CSMD1: variants seen among roughly 807,000 people sequenced by gnomAD.
The protein encoded by CSMD1 is CUB and sushi domain-containing protein 1.
A neutral mutation model predicts 417.5 loss-of-function variants in CSMD1; 213 were observed. The ratio of observed to expected loss-of-function variants is 0.51; its 90% CI spans 0.46 to 0.57. The LOEUF (loss-of-function observed/expected upper bound fraction) is 0.57. Among genes scored for constraint, CSMD1 ranks in the 20% least tolerant of loss-of-function variants. The probability of loss-of-function intolerance (pLI) is 0.00; values close to 1 mark genes in which losing one functional copy is unlikely to be tolerated. For missense variants in CSMD1, 6,923 were observed against 4,529.7 expected (o/e 1.53, Z -15.17); for synonymous variants, 2,862 against 1,736.8 (o/e 1.65, Z -16.11).
chr8:3,520,101 C>G (rs1290021914), intron 10 of CSMD1, among the ~76,000 whole-genome samples: 1 of 150,350 alleles, frequency 6.7e-6, no homozygotes, highest in African/African-American at 2.5e-5. Context: ...ATTTATGCTT[C>G]TTAAACATAC....
intron 26 of CSMD1, among the ~76,000 whole-genome samples, chr8:3,241,012 G>C (rs1181253580): frequency 6.7e-6 from 1 of 150,134 alleles, no homozygotes; most frequent in African/African-American, 2.4e-5. Context: ...GATAAGGGGT[G>C]CATGATCGGT....
chr8:4,157,294 G>T (rs1413116837), intron 3 of CSMD1, among the ~76,000 whole-genome samples: 1 of 152,200 alleles, frequency 6.6e-6, no homozygotes, highest in African/African-American at 2.4e-5. Flanking sequence ...TGCAATTGCA[G>T]AGCTGGGTCA....
intron 2 of CSMD1, among the ~76,000 whole-genome samples, chr8:4,598,939 G>C (rs1331003738): frequency 6.6e-6 from 1 of 152,072 alleles, no homozygotes; most frequent in Middle Eastern, 3.2e-3. Context: ...AATTTCAGTT[G>C]TTTCTAAATC....
chr8:3,916,601 C>G (rs1349868686), intron 5 of CSMD1, among the ~76,000 whole-genome samples: 1 of 152,100 alleles, frequency 6.6e-6, no homozygotes, highest in South Asian at 2.1e-4. Flanking sequence ...ACAATATGAA[C>G]TTTAGTAGGC....
At chr8:4,313,214 G>T (rs1563436828) in intron 3 of CSMD1, among the ~76,000 whole-genome samples, 1 of 151,970 alleles carries the variant, frequency 6.6e-6, no homozygotes, top group Admixed American at 6.6e-5. Context: ...AACAGGAAAA[G>T]CTTAACAACC....
chr8:3,908,656 G>A (rs567017437), intron 5 of CSMD1, among the ~76,000 whole-genome samples: 1 of 152,044 alleles, frequency 6.6e-6, no homozygotes, highest in Non-Finnish European at 1.5e-5. Flanking sequence ...TAATTGCTCT[G>A]CAGGGCCTAC....
At chr8:4,081,902 C>T (rs1585273518) in intron 3 of CSMD1, among the ~76,000 whole-genome samples, 1 of 152,038 alleles carries the variant, frequency 6.6e-6, no homozygotes, top group Non-Finnish European at 1.5e-5. Context: ...TACAGTAGTG[C>T]TCATGGGGGA....
chr8:3,023,845 C>G (rs1198760466), intron 51 of CSMD1, among the ~76,000 whole-genome samples: 1 of 144,094 alleles, frequency 6.9e-6, no homozygotes, highest in Non-Finnish European at 1.5e-5. Flanking sequence ...AAAATGAACA[C>G]TGGGGAGTCA....
intron 3 of CSMD1, among the ~76,000 whole-genome samples, chr8:4,079,036 G>C (rs1799985342): frequency 6.6e-6 from 1 of 150,874 alleles, no homozygotes; most frequent in South Asian, 2.1e-4. Flanking sequence ...GTCCAGGTAT[G>C]GACCCGACCA....
intron 2 of CSMD1, among the ~76,000 whole-genome samples, chr8:4,541,497 C>T (rs1306129592): frequency 6.6e-6 from 1 of 152,102 alleles, no homozygotes; most frequent in Admixed American, 6.6e-5. Flanking sequence ...CCTGTAATCC[C>T]CACACTTTGG....
At chr8:4,217,641 C>T (rs759267998) in intron 3 of CSMD1, among the ~76,000 whole-genome samples, 3 of 142,440 alleles carry the variant, frequency 2.1e-5, no homozygotes, top group Non-Finnish European at 3.1e-5. Flanking sequence ...AAAAAGTTGA[C>T]TCAGTTGACC....
intron 5 of CSMD1, among the ~76,000 whole-genome samples, chr8:3,932,228 G>C (rs930949616): frequency 1.3e-5 from 2 of 150,302 alleles, no homozygotes; most frequent in African/African-American, 4.9e-5. Context: ...TACTGAAAAG[G>C]GTCAAACTTA....
intron 2 of CSMD1, among the ~76,000 whole-genome samples, chr8:4,459,341 T>G (rs922663026): frequency 9.2e-5 from 14 of 152,262 alleles, no homozygotes; most frequent in African/African-American, 3.4e-4. Context: ...ACCAAGACAA[T>G]CAAGCTCTCA....
At chr8:3,864,646 G>A (rs889171015) in intron 5 of CSMD1, among the ~76,000 whole-genome samples, 2 of 152,048 alleles carry the variant, frequency 1.3e-5, no homozygotes, top group Non-Finnish European at 2.9e-5. Flanking sequence ...AGGCCCCGGT[G>A]TGTGATGTTC....
intron 5 of CSMD1, among the ~76,000 whole-genome samples, chr8:3,845,973 G>C (rs1486916158): frequency 6.6e-6 from 1 of 151,832 alleles, no homozygotes; most frequent in Non-Finnish European, 1.5e-5. Context: ...AGGGGCAGTA[G>C]TACCCATGGA....
intron 3 of CSMD1, among the ~76,000 whole-genome samples, chr8:4,055,721 A>T (rs994587056): frequency 1.6e-4 from 25 of 152,200 alleles, no homozygotes; most frequent in Non-Finnish European, 4.4e-5. Flanking sequence ...AATTACAAAT[A>T]AAAACTTGCT....
intron 5 of CSMD1, among the ~76,000 whole-genome samples, chr8:3,885,491 C>G (rs759056137): frequency 3.3e-5 from 5 of 152,078 alleles, no homozygotes; most frequent in Non-Finnish European, 4.4e-5. Context: ...TGAAAATAAA[C>G]TCTCGAAAAA....
chr8:3,234,802 G>A (rs1462082790), intron 26 of CSMD1, among the ~76,000 whole-genome samples: 1 of 152,186 alleles, frequency 6.6e-6, no homozygotes, highest in Non-Finnish European at 1.5e-5. Context: ...AAGGCAATTG[G>A]CCATCATCTT....
At chr8:3,911,048 C>T (rs866444748) in intron 5 of CSMD1, among the ~76,000 whole-genome samples, 1 of 151,962 alleles carries the variant, frequency 6.6e-6, no homozygotes, top group Non-Finnish European at 1.5e-5. Context: ...GGGGACACTC[C>T]AGAACTCTAG....
Sources: gnomAD v4.1 joint callset for allele counts (sites outside exome capture counted in the v4.1 genomes callset) on GRCh38, gnomAD v4.1.1 for gene constraint, MANE v1.5 for transcripts, NCBI Gene and HGNC (gene_info 2026-07-23, HGNC 2026-07-21) for gene names.